The following ERLEC1 variants were observed in gnomAD, a reference collection of about 807,000 sequenced individuals.
The protein encoded by ERLEC1 is ER lectin.
ERLEC1 carries 47 observed loss-of-function variants against 68.0 expected under a neutral mutation model. The ratio of observed to expected loss-of-function variants is 0.69; its 90% CI spans 0.55 to 0.88. The LOEUF is 0.88. ERLEC1 is among the 40% of genes least tolerant of loss of function. ERLEC1 has a pLI of 0.00. For missense variants in ERLEC1, 567 were observed against 583.8 expected (o/e 0.97, Z 0.30); for synonymous variants, 225 against 203.2 (o/e 1.11, Z -0.91).
At position 53,799,058 on chromosome 2, in the gene ERLEC1, G is replaced by A. The variant is rs747524937; in HGVS notation, c.502G>A (p.Glu168Lys). ...NLLFEKEREA[E>K]EKEKSNEIPT... is the part of the protein sequence containing the mutation. ...TTATTATTCCACAGAACGAGAAGCAGAAGAAAAGGAAAAATCAAATGAGGC... is the reference window on the plus strand; with the variant it reads ...TTATTATTCCACAGAACGAGAAGCAAAAGAAAAGGAAAAATCAAATGAGGC... The change falls in exon 6 of 14, where the codon GAA becomes AAA. Residue 168 changes from glutamate (E) to lysine (K), a missense_variant. Physicochemically the swap from Glu to Lys is moderately conservative, Grantham distance 56. Transcript: ENST00000185150. 3.1e-6 allele frequency: 5 copies of A among 1,612,364 alleles called. No homozygotes were observed.
chr2:53,813,220 T>C, intron 11 of ERLEC1, 147 bp downstream of exon 11: 1 of 952,230 alleles, frequency 1.1e-6, no homozygotes, highest in Non-Finnish European at 1.5e-6. Context: ...TTTCTTTTCT[T>C]AGGGAAGCAA....
At position 53,797,725 on chromosome 2, in the gene ERLEC1, A is replaced by G. The variant is rs1675790356; in HGVS notation, c.427-7A>G. ...TTAGTATATTTTTATTTTACTTTTC[A>G]ATGTAGAAAATAAATATTCACGAGT... On this transcript the variant is annotated splice_polypyrimidine_tract_variant and splice_region_variant and intron_variant, in intron 4 of 13. Coordinates refer to ENST00000185150, the MANE Select transcript of ERLEC1 (RefSeq NM_015701.5). 6.2e-7 allele frequency: 1 copy of G among 1,606,640 alleles called. No individual in the cohort carries two copies. The highest frequency in any genetic ancestry group is 2.2e-5 in the East Asian group (1 of 44,802).
Position 53,818,057 on chromosome 2 carries a change from T to C in ERLEC1, c.*88T>C. The C allele has an allele frequency of 1.2e-6, 1 of 840,724 alleles. No individual in the cohort carries two copies. The highest frequency in any genetic ancestry group is 2.0e-6 in the Non-Finnish European group (1 of 492,892). 52.1% of individuals were successfully genotyped at this position (840,724 alleles called of 1,614,324 possible). A position where few individuals can be genotyped will look rare whatever the true frequency, so the allele number is the denominator to read the frequency against. On this transcript the variant is annotated 3_prime_UTR_variant, in exon 14 of 14. Transcript: ENST00000185150. The stretch of plus-strand genomic sequence containing the variant: ...TGTCTCATTATAGAGTTCTCAGCCA[T>C]TGGACCTCTTCTAAAGGATGGTATA...
rs577047675 is a variant in ERLEC1, at chr2:53,807,427, A to G, written c.880-872A>G. Among the ~76,000 whole-genome samples, 22 of 146,578 alleles carry G rather than the reference A, an allele frequency of 1.5e-4. No individual in the cohort carries two copies. The South Asian group carries it at 3.6e-3, about 24-fold the overall frequency. On this transcript the variant is annotated intron_variant, in intron 8 of 13. Transcript: ENST00000185150. ...CCTTACTGCCTTTTTTTTCTTTGAG[A>G]CAGAGTCTCACTCTGTCACCCAAGC...
chr2:53,790,685 GCTGGTTT>G (rs1257741696), intron 1 of ERLEC1, among the ~76,000 whole-genome samples: 3 of 151,954 alleles, frequency 2.0e-5, no homozygotes, highest in Non-Finnish European at 2.9e-5. Context: ...TGTTGCTCAT[GCTGGTTT>G]CAAACTCCTG....
chr2:53,787,385 A>G lies in ERLEC1; in HGVS notation c.162+13A>G. ...CGAGTTCTCTCTGGTCAGTGCCCTC[A>G]CTAACCCCGCAGCCACCCCTCCTCC... On this transcript the variant is annotated intron_variant, in intron 1 of 13. Coordinates refer to ENST00000185150, the MANE Select transcript of ERLEC1 (RefSeq NM_015701.5). 1 of 1,599,366 alleles carries G rather than the reference A, an allele frequency of 6.3e-7. No homozygotes were observed.
At chr2:53,815,891 T>G (rs1229100015) in intron 13 of ERLEC1, among the ~76,000 whole-genome samples, 1 of 152,188 alleles carries the variant, frequency 6.6e-6, no homozygotes, top group Non-Finnish European at 1.5e-5. Context: ...ACATTTCAGG[T>G]CCTCACTTCT....
intron 8 of ERLEC1, among the ~76,000 whole-genome samples, chr2:53,803,789 C>T (rs1013034158): frequency 5.3e-5 from 8 of 151,998 alleles, no homozygotes; most frequent in East Asian, 1.9e-4. Context: ...ATCTGCCAGT[C>T]AAGAAAAATT....
intron 11 of ERLEC1, among the ~76,000 whole-genome samples, chr2:53,813,789 G>T (rs1221499986): frequency 6.6e-6 from 1 of 151,454 alleles, no homozygotes; most frequent in East Asian, 1.9e-4. Context: ...TTAAAACATA[G>T]ACTTTTTTTT....
At chr2:53,813,803 T>TA (rs1676717714) in intron 11 of ERLEC1, among the ~76,000 whole-genome samples, 1 of 151,996 alleles carries the variant, frequency 6.6e-6, no homozygotes. Flanking sequence ...TTTTTTTTTT[T>TA]AATACTTTAA....
At chr2:53,801,341 C>T in intron 6 of ERLEC1, 56 bp from the exon 7 acceptor site, 1 of 1,327,912 alleles carries the variant, frequency 7.5e-7, no homozygotes, top group Non-Finnish European at 1.1e-6. Flanking sequence ...CTCTCCCACC[C>T]CCAGTCCCAT....
In ERLEC1 at chr2:53,818,091, C is replaced by G; in HGVS notation, c.*122C>G. ...TTCTAAAGGATGGTATAAAATGACT[C>G]TCAACCACTTTGTGAATACATATGT... On this transcript the variant is annotated 3_prime_UTR_variant, in exon 14 of 14. Coordinates refer to ENST00000185150, the MANE Select transcript of ERLEC1 (RefSeq NM_015701.5). 3.1e-6 allele frequency: 2 copies of G among 652,660 alleles called. No individual in the cohort carries two copies. Among genetic ancestry groups the G allele is most frequent in the Non-Finnish European group, 5.5e-6 (2 of 365,768 alleles). 40.4% of individuals were successfully genotyped at this position (652,660 alleles called of 1,614,324 possible). A position where few individuals can be genotyped will look rare whatever the true frequency, so the allele number is the denominator to read the frequency against.
At chr2:53,814,763 C>T (rs1040242094) in intron 12 of ERLEC1, 97 bp from the exon 13 acceptor site, 2 of 1,020,842 alleles carry the variant, frequency 2.0e-6, no homozygotes, top group Non-Finnish European at 3.0e-6. Flanking sequence ...TTAAATCATA[C>T]AGGGTCCACT....
intron 3 of ERLEC1, among the ~76,000 whole-genome samples, 167 bp from the exon 4 acceptor site, chr2:53,797,348 G>A (rs889298350): frequency 5.3e-5 from 8 of 152,134 alleles, no homozygotes; most frequent in South Asian, 4.1e-4. Flanking sequence ...TGAAAATAAT[G>A]AATAGACTTC....
rs1253813523 is a variant in ERLEC1 at position 53,801,830 on chromosome 2, G to A, written c.867G>A (p.Arg289=). Residue 289 remains arginine (R), a synonymous_variant, in exon 8 of 14, where the codon AGG becomes AGA. Transcript: ENST00000185150. ...QQEEILRVPF[R]RNKEEDLQST... is the part of the protein sequence containing the mutation. ...AAGAAATACTAAGGGTGCCTTTTAG[G>A]AGAAATAAAGAGGTATGAGAATTGT... 6.2e-7 allele frequency: 1 copy of A among 1,613,372 alleles called. No homozygotes were observed. Among genetic ancestry groups the A allele is most frequent in the South Asian group, 1.1e-5 (1 of 90,948 alleles).
At chr2:53,790,760 A>C (rs1052460480) in intron 1 of ERLEC1, among the ~76,000 whole-genome samples, 6 of 152,150 alleles carry the variant, frequency 3.9e-5, no homozygotes, top group African/African-American at 1.4e-4. Flanking sequence ...GGCATGAGCC[A>C]CCTCACCTGG....
chr2:53,802,818 G>A (rs1051802488), intron 8 of ERLEC1, among the ~76,000 whole-genome samples: 1 of 151,998 alleles, frequency 6.6e-6, no homozygotes, highest in Non-Finnish European at 1.5e-5. Context: ...TGCAGTCTCC[G>A]CCTCCCTAGT....
At position 53,817,950 on chromosome 2, in the gene ERLEC1, T is replaced by C. The variant is rs1676989242; in HGVS notation, c.1433T>C (p.Leu478Pro). 6.3e-7 allele frequency: 1 copy of C among 1,589,858 alleles called. No individual in the cohort carries two copies. Among genetic ancestry groups the C allele is most frequent in the South Asian group, 1.1e-5 (1 of 90,558 alleles). Residue 478 changes from leucine to proline, a missense_variant, in exon 14 of 14, where the codon CTT (leucine) becomes CCT (proline). Transcript: ENST00000185150. ...KILDTADENG[L>P]LSLPN Reference sequence around the variant, plus strand: ...TTAGATACAGCAGATGAAAATGGACTTCTTTCTCTCCCCAACTAAAGGATA... The same window carrying C: ...TTAGATACAGCAGATGAAAATGGACCTCTTTCTCTCCCCAACTAAAGGATA...
chr2:53,795,527 A>G (rs901069296), intron 2 of ERLEC1, among the ~76,000 whole-genome samples: 2 of 152,210 alleles, frequency 1.3e-5, no homozygotes, highest in African/African-American at 2.4e-5. Flanking sequence ...AAACTTTCCA[A>G]TATATCCTAT....
Sources: gnomAD v4.1 joint callset for allele counts (sites outside exome capture counted in the v4.1 genomes callset) on GRCh38, gnomAD v4.1.1 for gene constraint, MANE v1.5 for transcripts, NCBI Gene and HGNC (gene_info 2026-07-23, HGNC 2026-07-21) for gene names.